The following FRMD4A variants were observed in gnomAD, a reference collection of about 807,000 sequenced individuals.
The protein encoded by FRMD4A is FERM domain-containing protein 4A.
Under a neutral mutation model 129.1 loss-of-function variants are expected in FRMD4A, and 29 were observed. The ratio of observed to expected loss-of-function variants is 0.22; its 90% CI spans 0.17 to 0.31. FRMD4A has a LOEUF of 0.31. Ranked by LOEUF, FRMD4A falls within the 10% of genes least tolerant of loss-of-function variation. The probability of loss-of-function intolerance (pLI) is 1.00; values close to 1 mark genes in which losing one functional copy is unlikely to be tolerated. For missense variants in FRMD4A, 1,272 were observed against 1,375.8 expected, an observed-to-expected ratio of 0.92 and a Z score of 1.19; for synonymous variants, 634 against 571.6, an observed-to-expected ratio of 1.11 and a Z score of -1.56.
intron 6 of FRMD4A, among the ~76,000 whole-genome samples, chr10:13,776,719 A>G (rs1004459833): frequency 1.3e-5 from 2 of 152,222 alleles, no homozygotes; most frequent in African/African-American, 4.8e-5. Context: ...TTAGATTTTA[A>G]CATACAGTAG....
chr10:13,738,444 T>C (rs1401810986), intron 11 of FRMD4A, among the ~76,000 whole-genome samples: 1 of 152,158 alleles, frequency 6.6e-6, no homozygotes, highest in Non-Finnish European at 1.5e-5. Context: ...GGCCCAGCTT[T>C]ACCCAGGACC....
intron 12 of FRMD4A, among the ~76,000 whole-genome samples, chr10:13,725,649 G>C (rs528104069): frequency 1.1e-4 from 16 of 152,230 alleles, no homozygotes; most frequent in Admixed American, 5.2e-4. Flanking sequence ...TGGGAGCTTG[G>C]CTTACCCAGA....
chr10:14,179,638 T>C (rs1841846274), intron 2 of FRMD4A, among the ~76,000 whole-genome samples: 1 of 152,260 alleles, frequency 6.6e-6, no homozygotes, highest in Admixed American at 6.5e-5. Context: ...AATTTATTCA[T>C]GTCTAGGTAA....
At chr10:13,931,668 T>C (rs10906542) in intron 2 of FRMD4A, among the ~76,000 whole-genome samples, 88,075 of 151,508 alleles carry the variant, frequency 0.58, 26,712 homozygotes, top group Middle Eastern at 0.72. Flanking sequence ...TTGGGTGTGA[T>C]GGCTCATGCT....
intron 2 of FRMD4A, among the ~76,000 whole-genome samples, chr10:13,874,531 T>C (rs565652402): frequency 6.6e-6 from 1 of 152,174 alleles, no homozygotes; most frequent in East Asian, 1.9e-4. Flanking sequence ...CAAGGCCCCA[T>C]AAGCAAAAGT....
chr10:14,085,856 C>T (rs1449586222), intron 2 of FRMD4A, among the ~76,000 whole-genome samples: 2 of 152,170 alleles, frequency 1.3e-5, no homozygotes, highest in Non-Finnish European at 2.9e-5. Context: ...TATTTCACAG[C>T]TTTGAGAATC....
At chr10:13,887,549 C>T (rs149794311) in intron 2 of FRMD4A, among the ~76,000 whole-genome samples, 3,768 of 152,184 alleles carry the variant, frequency 0.025, 79 homozygotes, top group Non-Finnish European at 0.038. Flanking sequence ...CGTAGTGGCA[C>T]GTGCCTGTAT....
At chr10:14,064,187 T>G (rs936533155) in intron 2 of FRMD4A, among the ~76,000 whole-genome samples, 49 of 152,348 alleles carry the variant, frequency 3.2e-4, no homozygotes, top group African/African-American at 1.2e-3. Context: ...TTGCAAAATG[T>G]GACTCAGAAG....
At chr10:14,221,878 C>T in intron 2 of FRMD4A, among the ~76,000 whole-genome samples, 1 of 152,178 alleles carries the variant, frequency 6.6e-6, no homozygotes, top group Admixed American at 6.5e-5. Context: ...CTGAACCTGT[C>T]TGTGTTATTG....
intron 3 of FRMD4A, among the ~76,000 whole-genome samples, chr10:13,834,868 G>T (rs1203070806): frequency 1.3e-5 from 2 of 152,086 alleles, no homozygotes; most frequent in Admixed American, 1.3e-4. Flanking sequence ...GACTACACAA[G>T]ACCTCATTCT....
intron 2 of FRMD4A, among the ~76,000 whole-genome samples, chr10:14,270,190 T>G (rs560909647): frequency 6.6e-6 from 1 of 152,228 alleles, no homozygotes; most frequent in Non-Finnish European, 1.5e-5. Context: ...AGTTATGTTA[T>G]GGGTTTTTGC....
chr10:13,680,100 C>T (rs1048762164), intron 15 of FRMD4A, among the ~76,000 whole-genome samples: 2 of 152,210 alleles, frequency 1.3e-5, no homozygotes, highest in African/African-American at 4.8e-5. Flanking sequence ...CCTCAAGTGA[C>T]AGAATGACTC....
intron 2 of FRMD4A, among the ~76,000 whole-genome samples, chr10:14,110,022 G>A (rs894252158): frequency 8.0e-5 from 12 of 149,944 alleles, no homozygotes; most frequent in Admixed American, 2.0e-4. Context: ...TTTTCAACTC[G>A]GGAGGCTGAG....
intron 3 of FRMD4A, among the ~76,000 whole-genome samples, chr10:13,830,115 A>G (rs542581395): frequency 1.3e-5 from 2 of 152,224 alleles, no homozygotes; most frequent in African/African-American, 2.4e-5. Flanking sequence ...CGCGCTTTAC[A>G]TTCATAACAG....
chr10:14,231,748 A>T lies in FRMD4A; in HGVS notation c.45+98310T>A, dbSNP rs188792564. On this transcript the variant is annotated intron_variant, in intron 2 of 24. Coordinates refer to ENST00000357447, the MANE Select transcript of FRMD4A (RefSeq NM_018027.5). Reference sequence around the variant, plus strand: ...GTCTTCTTTTAAGAAGTGTTTGTTTATGTTTTTTGCTCATTTTTAAGGGGG... The same window carrying T: ...GTCTTCTTTTAAGAAGTGTTTGTTTTTGTTTTTTGCTCATTTTTAAGGGGG... Among the ~76,000 whole-genome samples the T allele has an allele frequency of 2.1e-3, 317 of 151,928 alleles. 1 individual carries two copies. Among genetic ancestry groups the T allele is most frequent in the Middle Eastern group, 0.01 (3 of 294 alleles).
At chr10:14,196,041 G>A (rs1842462736) in intron 2 of FRMD4A, among the ~76,000 whole-genome samples, 1 of 152,108 alleles carries the variant, frequency 6.6e-6, no homozygotes, top group African/African-American at 2.4e-5. Context: ...TCCAGATAAG[G>A]CAAGTCAATT....
In FRMD4A at chr10:14,218,955, CAAAAAAAAAAAAAAAAAAAAAAAA is replaced by C. The variant is rs56064346; in HGVS notation, c.45+111079_45+111102del. Reference sequence around the variant, plus strand: ...GGGCAACAAGAGTGAGACTTCATCTCAAAAAAAAAAAAAAAAAAAAAAAAAAAAAAAAAAAAAAAAGATGTGTTT... The same window carrying C: ...GGGCAACAAGAGTGAGACTTCATCTCAAAAAAAAAAAAAAAAGATGTGTTT... On this transcript the variant is annotated intron_variant, in intron 2 of 24. Transcript: ENST00000357447. 4.7e-3 allele frequency among the ~76,000 whole-genome samples: 340 copies of C among 72,642 alleles called. 6 individuals are homozygous for C. Among genetic ancestry groups the C allele is most frequent in the South Asian group, 0.014 (24 of 1,706 alleles). 47.7% of individuals were successfully genotyped at this position (72,642 alleles called of 152,430 possible).
chr10:14,172,885 G>A (rs367832661), intron 2 of FRMD4A, among the ~76,000 whole-genome samples: 69 of 152,296 alleles, frequency 4.5e-4, no homozygotes, highest in African/African-American at 1.6e-3. Context: ...CTCACTTGAG[G>A]CTATCCTTCT....
intron 2 of FRMD4A, among the ~76,000 whole-genome samples, chr10:14,056,997 A>C (rs1056966138): frequency 3.9e-5 from 6 of 152,082 alleles, no homozygotes; most frequent in Non-Finnish European, 7.4e-5. Context: ...TGTTTTTCTC[A>C]CAAAACCTTG....
Sources: gnomAD v4.1 joint callset for allele counts (sites outside exome capture counted in the v4.1 genomes callset) on GRCh38, gnomAD v4.1.1 for gene constraint, MANE v1.5 for transcripts, NCBI Gene and HGNC (gene_info 2026-07-23, HGNC 2026-07-21) for gene names.